Variants in GABRG3 observed in about 807,000 individuals in gnomAD.
GABRG3 encodes the protein gamma-aminobutyric acid receptor subunit gamma-3.
In GABRG3, 25 loss-of-function variants were observed where a neutral mutation model predicts 48.8. The ratio of observed to expected loss-of-function variants is 0.51; its 90% CI spans 0.37 to 0.72. The LOEUF is 0.72. Ranked by LOEUF, GABRG3 falls within the 30% of genes least tolerant of loss-of-function variation. The pLI, the probability that GABRG3 is intolerant of heterozygous loss-of-function variation, is 0.00. For missense variants in GABRG3, 394 were observed against 577.9 expected (o/e 0.68, Z 3.26); for synonymous variants, 227 against 217.6 (o/e 1.04, Z -0.38).
At chr15:27,354,325 A>G (rs925316823) in intron 5 of GABRG3, among the ~76,000 whole-genome samples, 1 of 152,238 alleles carries the variant, frequency 6.6e-6, no homozygotes, top group African/African-American at 2.4e-5. Context: ...GAAGAGCAGG[A>G]TGGAATTCAG....
intron 3 of GABRG3, among the ~76,000 whole-genome samples, chr15:27,323,750 A>G (rs1000837314): frequency 6.6e-6 from 1 of 152,248 alleles, no homozygotes; most frequent in East Asian, 1.9e-4. Flanking sequence ...CCATGTCTCC[A>G]GCACCTGCAC....
At chr15:27,503,382 C>A (rs1488961655) in intron 6 of GABRG3, among the ~76,000 whole-genome samples, 6 of 152,178 alleles carry the variant, frequency 3.9e-5, no homozygotes, top group Non-Finnish European at 8.8e-5. Context: ...CTCATTGAGA[C>A]CTTTTATACC....
chr15:27,295,593 T>C (rs964177434), intron 3 of GABRG3, among the ~76,000 whole-genome samples: 5 of 152,200 alleles, frequency 3.3e-5, no homozygotes, highest in Admixed American at 6.5e-5. Context: ...GTTAGGGCCA[T>C]GCTATTTTAA....
chr15:27,431,692 AT>A lies in GABRG3; in HGVS notation c.575-48956del, dbSNP rs1233335722. ...TATCACTGTGAGGAAAGTACCTTCTATTCCATATCTCCTGACTGCTTTTTTC... is the reference window on the plus strand; with the variant it reads ...TATCACTGTGAGGAAAGTACCTTCTATCCATATCTCCTGACTGCTTTTTTC... On this transcript the variant is annotated intron_variant, in intron 5 of 9. Transcript: ENST00000615808. Among the ~76,000 whole-genome samples the A allele has an allele frequency of 1.3e-4, 20 of 152,256 alleles. No individual in the cohort carries two copies. In the South Asian group the frequency reaches 1.7e-3, roughly 13 times the overall value.
At chr15:27,390,739 C>T (rs777574654) in intron 5 of GABRG3, among the ~76,000 whole-genome samples, 7 of 152,176 alleles carry the variant, frequency 4.6e-5, no homozygotes, top group Non-Finnish European at 1.0e-4. Flanking sequence ...GCTTTAGGGT[C>T]TGTGTGGAGA....
intron 5 of GABRG3, among the ~76,000 whole-genome samples, chr15:27,467,359 G>A (rs1889646902): frequency 6.6e-6 from 1 of 152,192 alleles, no homozygotes; most frequent in Non-Finnish European, 1.5e-5. Flanking sequence ...GGACACAGAT[G>A]TTCAGACCAT....
chr15:27,121,692 G>T (rs987157861), intron 3 of GABRG3, among the ~76,000 whole-genome samples: 1 of 152,180 alleles, frequency 6.6e-6, no homozygotes, highest in Non-Finnish European at 1.5e-5. Flanking sequence ...AAATAGTTGA[G>T]CCAGTGTATG....
chr15:27,420,737 T>C (rs909815895), intron 5 of GABRG3: 3 of 152,196 alleles, frequency 2.0e-5, no homozygotes, highest in Admixed American at 2.0e-4. Flanking sequence ...TTGGTGATTA[T>C]TAAAGAGGTG....
chr15:27,532,465 A>G (rs1437495469), intron 9 of GABRG3, 135 bp from the exon 10 acceptor site: 2 of 650,526 alleles, frequency 3.1e-6, no homozygotes, highest in Non-Finnish European at 4.8e-6. Context: ...TCTCTCCAGC[A>G]TGGGGGGAAG....
Position 27,026,832 on chromosome 15 carries a change from C to G in GABRG3, c.270+11C>G. On this transcript the variant is annotated intron_variant, in intron 3 of 9. Transcript: ENST00000615808. ...TCATCAATAAACATGGTAAGAAGCT[C>G]CTTTATTTTCTGATCTAACGGCTGT... 6.3e-7 allele frequency: 1 copy of G among 1,583,340 alleles called. No homozygotes were observed. Among genetic ancestry groups the G allele is most frequent in the Non-Finnish European group, 8.6e-7 (1 of 1,163,516 alleles).
intron 5 of GABRG3, among the ~76,000 whole-genome samples, chr15:27,397,177 C>T (rs551410560): frequency 1.3e-5 from 2 of 152,140 alleles, no homozygotes; most frequent in Non-Finnish European, 2.9e-5. Context: ...AAACATACGC[C>T]TACATGGAAG....
chr15:27,067,988 A>G (rs569650880), intron 3 of GABRG3, among the ~76,000 whole-genome samples: 1 of 152,358 alleles, frequency 6.6e-6, no homozygotes, highest in East Asian at 1.9e-4. Flanking sequence ...GCTAGTAAGT[A>G]GAGTGCACAG....
intron 3 of GABRG3, among the ~76,000 whole-genome samples, chr15:27,052,277 C>G (rs1004839188): frequency 3.3e-5 from 5 of 152,166 alleles, no homozygotes; most frequent in Non-Finnish European, 7.3e-5. Context: ...ATCACAACAC[C>G]TCTGATCACC....
chr15:27,267,062 C>T (rs2124065), intron 3 of GABRG3, among the ~76,000 whole-genome samples: 88,860 of 149,620 alleles, frequency 0.59, 26,968 homozygotes, highest in Non-Finnish European at 0.65. Flanking sequence ...GATATCCTTA[C>T]ATTGTTCCTG....
intron 3 of GABRG3, among the ~76,000 whole-genome samples, chr15:27,272,627 A>C (rs1891127566): frequency 6.6e-6 from 1 of 152,192 alleles, no homozygotes; most frequent in Admixed American, 6.5e-5. Flanking sequence ...GACTAATTAG[A>C]GTGGCTACAG....
At position 26,986,206 on chromosome 15, in the gene GABRG3, AATT is replaced by A. The variant is rs1266744544; in HGVS notation, c.202+9057_202+9059del. Among the ~76,000 whole-genome samples, 185 of 152,346 alleles carry A rather than the reference AATT, an allele frequency of 1.2e-3. 1 individual carries two copies. Among genetic ancestry groups the A allele is most frequent in the African/African-American group, 4.4e-3 (181 of 41,578 alleles). On this transcript the variant is annotated intron_variant, in intron 2 of 9. Coordinates refer to ENST00000615808, the MANE Select transcript of GABRG3 (RefSeq NM_033223.5). ...AGCAATTACTGTATATCCAGAAAAT[AATT>A]CAAATGTATTCACTCCACTCTCGGA...
chr15:27,039,349 A>G (rs927606956), intron 3 of GABRG3, among the ~76,000 whole-genome samples: 7 of 152,210 alleles, frequency 4.6e-5, no homozygotes, highest in Non-Finnish European at 4.4e-5. Context: ...GAGCTAGACC[A>G]TGGGGCTGCC....
Position 27,326,968 on chromosome 15 carries a change from A to G in GABRG3, c.430A>G (p.Ile144Val). The part of the protein sequence containing the change: ...RNSKTAEAHW[I>V]TTPNQLLRIW... ...TTCTAAAACCGCAGAGGCTCACTGGATCACCACACCCAATCAGCTCCTCCG... is the reference window on the plus strand; with the variant it reads ...TTCTAAAACCGCAGAGGCTCACTGGGTCACCACACCCAATCAGCTCCTCCG... The change falls in exon 4 of 10, where the codon ATC (isoleucine) becomes GTC (valine). Residue 144 changes from isoleucine (I) to valine (V), a missense_variant. Transcript: ENST00000615808. 1 of 1,614,036 alleles carries G rather than the reference A, an allele frequency of 6.2e-7. No individual in the cohort carries two copies. The highest frequency in any genetic ancestry group is 8.5e-7 in the Non-Finnish European group (1 of 1,179,900).
chr15:27,077,031 T>A (rs1044894491), intron 3 of GABRG3, among the ~76,000 whole-genome samples: 1 of 152,178 alleles, frequency 6.6e-6, no homozygotes, highest in Non-Finnish European at 1.5e-5. Context: ...CCTCTGATGA[T>A]CCCCAATAGC....
Sources: gnomAD v4.1 joint callset for allele counts (sites outside exome capture counted in the v4.1 genomes callset) on GRCh38, gnomAD v4.1.1 for gene constraint, MANE v1.5 for transcripts, NCBI Gene and HGNC (gene_info 2026-07-23, HGNC 2026-07-21) for gene names.